GPR89B: variants seen among roughly 807,000 people sequenced by gnomAD.
The protein encoded by GPR89B is golgi pH regulator B.
GPR89B carries 25 observed loss-of-function variants against 52.4 expected under a neutral mutation model. The ratio of observed to expected loss-of-function variants is 0.48; its 90% confidence interval spans 0.35 to 0.67. The LOEUF is 0.67. Ranked by LOEUF, GPR89B falls within the 30% of genes least tolerant of loss-of-function variation. The pLI is 0.01. For synonymous variants in GPR89B, 52 were observed against 151.2 expected (o/e 0.34, Z 4.81); for missense variants, 146 against 450.2 (o/e 0.32, Z 6.11).
At chr1:147,958,045 T>C (rs1656253681) in intron 7 of GPR89B, among the ~76,000 whole-genome samples, 1 of 149,926 alleles carries the variant, frequency 6.7e-6, no homozygotes, top group East Asian at 2.0e-4. Flanking sequence ...GCCTGGGTGA[T>C]GGAGTGAGAC....
the GPR89B span, among the ~76,000 whole-genome samples, chr1:148,007,974 T>C: frequency 6.6e-6 from 1 of 152,022 alleles, no homozygotes; most frequent in Non-Finnish European, 1.5e-5. Context: ...TTCATTACAC[T>C]ACTCATAATG....
chr1:147,938,090 G>C (rs587754146), intron 2 of GPR89B, among the ~76,000 whole-genome samples: 3 of 151,954 alleles, frequency 2.0e-5, no homozygotes, highest in African/African-American at 7.3e-5. Context: ...TCCATTCGGG[G>C]TCCCTGACTT....
chr1:147,969,849 G>A lies in GPR89B; in HGVS notation c.817-18G>A. 1.5e-6 allele frequency: 2 copies of A among 1,298,194 alleles called. No homozygotes were observed. The highest frequency in any genetic ancestry group is 2.1e-6 in the Non-Finnish European group (2 of 945,780). The allele number at this position is 1,298,194 out of a possible 1,614,324, so 80.4% of individuals were successfully genotyped here. On this transcript the variant is annotated intron_variant, in intron 9 of 13. Transcript: ENST00000314163. Reference sequence around the variant, plus strand: ...TATATTTTGCTGAAAACTATGTTTTGTGTTTGTTTTCCCCCAGGAGAGAAT... The same window carrying A: ...TATATTTTGCTGAAAACTATGTTTTATGTTTGTTTTCCCCCAGGAGAGAAT...
At chr1:147,940,266 G>A (rs1325524373) in intron 3 of GPR89B, among the ~76,000 whole-genome samples, 13 of 151,722 alleles carry the variant, frequency 8.6e-5, no homozygotes, top group African/African-American at 2.9e-4. Context: ...AGCTGGGCAT[G>A]GTGGTGGGCG....
At chr1:147,949,984 C>T (rs1406095077) in intron 5 of GPR89B, among the ~76,000 whole-genome samples, 1 of 145,044 alleles carries the variant, frequency 6.9e-6, no homozygotes, top group Non-Finnish European at 1.5e-5. Context: ...CTGACCCCCC[C>T]ACCTCCCTCC....
the GPR89B span, chr1:148,010,646 T>C: frequency 6.6e-6 from 1 of 152,234 alleles, no homozygotes; most frequent in South Asian, 2.1e-4. Flanking sequence ...TTTGTGATTG[T>C]CTCAAGGTTG....
At position 147,990,591 on chromosome 1, in the gene GPR89B, T is replaced by G. The variant is rs1462041129; in HGVS notation, c.1096-1911T>G. Among the ~76,000 whole-genome samples the G allele has an allele frequency of 3.1e-3, 468 of 152,318 alleles. 1 individual carries two copies. The highest frequency in any genetic ancestry group is 0.011 in the African/African-American group (452 of 41,556). ...GTTTTTATGGTTTTACATCTAACAT[T>G]TAAGTCTTTAATCCATCTTGAATTA... On this transcript the variant is annotated intron_variant, in intron 12 of 13. Transcript: ENST00000314163.
At chr1:148,012,931 CAGA>C in the GPR89B span, among the ~76,000 whole-genome samples, 1 of 151,796 alleles carries the variant, frequency 6.6e-6, no homozygotes, top group Non-Finnish European at 1.5e-5. Flanking sequence ...TGTAAAATAG[CAGA>C]ACGAATTTAT....
chr1:147,950,883 G>A (rs1446037898), intron 5 of GPR89B, among the ~76,000 whole-genome samples: 1 of 152,246 alleles, frequency 6.6e-6, no homozygotes, highest in Admixed American at 6.5e-5. Context: ...GATGGCAGCA[G>A]TACAGTCCAG....
rs2149098587 is a variant in GPR89B at position 147,992,970 on chromosome 1, AAG to A, written c.*56_*57del. The A allele has an allele frequency of 3.7e-5, 50 of 1,351,248 alleles. No homozygotes were observed. The highest frequency in any genetic ancestry group is 4.8e-5 in the Non-Finnish European group (49 of 1,010,762). The allele number at this position is 1,351,248 out of a possible 1,614,324, so 83.7% of individuals were successfully genotyped here. On this transcript the variant is annotated 3_prime_UTR_variant, in exon 14 of 14. Transcript: ENST00000314163. ...GCCAGTGGTTTCAAAATTTAGATAT[AAG>A]AGGGGGGAAAAATGGAACCAGGGCC...
chr1:147,956,367 G>A (rs1160817245), intron 7 of GPR89B, among the ~76,000 whole-genome samples: 1 of 152,116 alleles, frequency 6.6e-6, no homozygotes, highest in Non-Finnish European at 1.5e-5. Flanking sequence ...TGATTGCCTT[G>A]GCAATTCAGT....
chr1:147,950,527 G>A (rs587685216), intron 5 of GPR89B, among the ~76,000 whole-genome samples: 206 of 152,250 alleles, frequency 1.4e-3, no homozygotes, highest in Middle Eastern at 3.4e-3. Flanking sequence ...CTTCCCAGAC[G>A]GGGTGGCGCC....
intron 1 of GPR89B, among the ~76,000 whole-genome samples, chr1:147,930,396 T>A (rs1188931539): frequency 2.0e-5 from 3 of 152,238 alleles, no homozygotes; most frequent in Non-Finnish European, 4.4e-5. Flanking sequence ...TGTTTTATTA[T>A]CTTCTTGGCA....
At chr1:148,003,386 C>T in the GPR89B span, among the ~76,000 whole-genome samples, 4 of 152,008 alleles carry the variant, frequency 2.6e-5, no homozygotes, top group East Asian at 3.9e-4. Flanking sequence ...CTCACACCGG[C>T]TCACAAAAGC....
At chr1:147,985,339 T>G (rs1215636723) in intron 10 of GPR89B, among the ~76,000 whole-genome samples, 52 of 152,082 alleles carry the variant, frequency 3.4e-4, no homozygotes, top group Middle Eastern at 3.4e-3. Flanking sequence ...TTTAACCTAT[T>G]TGTATCTTTA....
chr1:147,996,015 T>C, downstream of GPR89B: 2 of 632,394 alleles, frequency 3.2e-6, no homozygotes, highest in East Asian at 5.4e-5. Context: ...CCTTGAGGTA[T>C]AGAAGTTGAG....
chr1:147,987,114 C>A (rs1658723986), intron 11 of GPR89B, among the ~76,000 whole-genome samples: 1 of 152,196 alleles, frequency 6.6e-6, no homozygotes, highest in Non-Finnish European at 1.5e-5. Context: ...GAGCCCCAAT[C>A]CTTGAGAAAC....
At chr1:147,989,427 C>A (rs1401824905) in intron 12 of GPR89B, among the ~76,000 whole-genome samples, 2 of 139,432 alleles carry the variant, frequency 1.4e-5, no homozygotes, top group Middle Eastern at 3.4e-3. Context: ...CAACTATTTT[C>A]TTTTTTTTTT....
chr1:148,001,897 A>C, the GPR89B span, among the ~76,000 whole-genome samples: 1 of 152,078 alleles, frequency 6.6e-6, no homozygotes. Flanking sequence ...GGGGAAGAAT[A>C]AAGAACAAAA....
Sources: allele counts gnomAD v4.1 joint callset (sites outside exome capture counted in the v4.1 genomes callset), GRCh38; gene constraint gnomAD v4.1.1; transcripts MANE v1.5; gene names NCBI Gene and HGNC (gene_info 2026-07-23, HGNC 2026-07-21).